IFT140: variants seen among roughly 807,000 people sequenced by gnomAD.
The protein encoded by IFT140 is intraflagellar transport 140, also known as intraflagellar transport protein 140 homolog.
Under a neutral mutation model 164.6 loss-of-function variants are expected in IFT140, and 133 were observed. That is an observed-to-expected ratio of 0.81 (90% CI 0.70 to 0.93). The LOEUF (loss-of-function observed/expected upper bound fraction) is 0.93, where lower values mean the gene tolerates loss of function less well. Among genes scored for constraint, IFT140 ranks in the 40% least tolerant of loss-of-function variants. The pLI is 0.00. For synonymous variants in IFT140, 860 were observed against 817.3 expected, an observed-to-expected ratio of 1.05 and a Z score of -0.89; for missense variants, 2,045 against 1,972.3, an observed-to-expected ratio of 1.04 and a Z score of -0.70.
At chr16:1,550,749 C>A (rs185559314) in intron 19 of IFT140, among the ~76,000 whole-genome samples, 1 of 152,254 alleles carries the variant, frequency 6.6e-6, no homozygotes, top group Non-Finnish European at 1.5e-5. Context: ...CAAGGCCCTG[C>A]CAAATGCCAC....
chr16:1,525,200 C>T (rs181470068), intron 22 of IFT140, 31 bp downstream of exon 22: 220 of 1,513,056 alleles, frequency 1.5e-4, no homozygotes, highest in African/African-American at 9.7e-4. Context: ...GGATGGAGTG[C>T]GGTCCCACCA....
intron 18 of IFT140, 50 bp from the exon 19 acceptor site, chr16:1,558,184 G>A: frequency 6.3e-7 from 1 of 1,581,810 alleles, no homozygotes; most frequent in Non-Finnish European, 8.7e-7. Context: ...TAAAGCTGAA[G>A]CCCTCACCCA....
At chr16:1,558,679 C>G (rs2033238177) in intron 18 of IFT140, among the ~76,000 whole-genome samples, 1 of 152,230 alleles carries the variant, frequency 6.6e-6, no homozygotes, top group East Asian at 1.9e-4. Context: ...CTGCTTGCCT[C>G]TTCTTTAATC....
At chr16:1,513,099 A>G (rs2040220448) in intron 30 of IFT140, 1 of 152,178 alleles carries the variant, frequency 6.6e-6, no homozygotes, top group African/African-American at 2.4e-5. Context: ...GGGCAACACA[A>G]CTGGTGGGTG....
At chr16:1,559,692 T>TA (rs2033298714) in intron 18 of IFT140, among the ~76,000 whole-genome samples, 1 of 152,222 alleles carries the variant, frequency 6.6e-6, no homozygotes, top group South Asian at 2.1e-4. Context: ...TGAGCTTTGC[T>TA]AGGTGAGAGG....
intron 26 of IFT140, among the ~76,000 whole-genome samples, chr16:1,522,807 C>T (rs1032048145): frequency 2.0e-5 from 3 of 152,232 alleles, no homozygotes; most frequent in African/African-American, 7.2e-5. Flanking sequence ...CACTGCACTC[C>T]AGCCTTTCCA....
intron 19 of IFT140, among the ~76,000 whole-genome samples, chr16:1,547,844 A>G (rs1280374234): frequency 6.6e-6 from 1 of 152,056 alleles, no homozygotes; most frequent in Non-Finnish European, 1.5e-5. Context: ...CAAATCATCT[A>G]TTTATTTCTT....
At position 1,602,529 on chromosome 16, in the gene IFT140, G is replaced by C. The variant is rs145160997; in HGVS notation, c.210C>G (p.His70Gln). ...RPFRVASLCW[H>Q]PTRLVLAVGW... ...CCACAGCCAGCACCAGCCGCGTCGG[G>C]TGCCAGCACAGGGAAGCAACCCGGA... Residue 70 changes from histidine to glutamine, a missense_variant, in exon 4 of 31, where the codon CAC (histidine) becomes CAG (glutamine). Coordinates refer to ENST00000426508, the MANE Select transcript of IFT140 (RefSeq NM_014714.4). 6.2e-7 allele frequency: 1 copy of C among 1,614,120 alleles called. No homozygotes were observed. Among genetic ancestry groups the C allele is most frequent in the Non-Finnish European group, 8.5e-7 (1 of 1,180,036 alleles).
chr16:1,554,837 C>T (rs770057972), intron 19 of IFT140: 1 of 1,614,228 alleles, frequency 6.2e-7, no homozygotes, highest in Non-Finnish European at 8.5e-7. Flanking sequence ...CATACACCAA[C>T]CTGTCCTGGT....
chr16:1,541,880 C>A, intron 19 of IFT140: 1 of 1,514,680 alleles, frequency 6.6e-7, no homozygotes, highest in Non-Finnish European at 8.9e-7. Context: ...CCTCTGGAGC[C>A]CACCTGCACT....
At chr16:1,566,315 G>C (rs1488166616) in intron 15 of IFT140, 24 bp from the exon 16 acceptor site, 1 of 1,611,456 alleles carries the variant, frequency 6.2e-7, no homozygotes, top group African/African-American at 1.3e-5. Flanking sequence ...AAACCAGAAA[G>C]CTCACGGAGC....
chr16:1,554,542 TAAGAGCCACAG>T, intron 19 of IFT140, among the ~76,000 whole-genome samples: 1 of 152,234 alleles, frequency 6.6e-6, no homozygotes, highest in Non-Finnish European at 1.5e-5. Flanking sequence ...CCTGAAGTCC[TAAGAGCCACAG>T]AAGGGCTAAT....
rs541618065 is a variant in IFT140, at chr16:1,557,820, C to T, written c.2399+115G>A. On this transcript the variant is annotated intron_variant, in intron 19 of 30. Coordinates refer to ENST00000426508, the MANE Select transcript of IFT140 (RefSeq NM_014714.4). Reference sequence around the variant, plus strand: ...GGGAAGACCATGAAATACACCATGACGCAGTCATGAGGAGTCAAATATTTC... The same window carrying T: ...GGGAAGACCATGAAATACACCATGATGCAGTCATGAGGAGTCAAATATTTC... The T allele has an allele frequency of 5.3e-5, 53 of 995,334 alleles. No individual in the cohort carries two copies. In the African/African-American group the frequency reaches 6.8e-4, roughly 13 times the overall value. The allele number at this position is 995,334 out of a possible 1,614,324, so 61.7% of individuals were successfully genotyped here.
Position 1,523,601 on chromosome 16 carries a change from C to T in IFT140, c.3370G>A (p.Ala1124Thr). Residue 1124 changes from alanine (A) to threonine (T), a missense_variant, in exon 26 of 31, where the codon GCG becomes ACG. Transcript: ENST00000426508. Reference protein sequence around the residue: ...AEDLDETSDPALLARCSDFFI... With the variant: ...AEDLDETSDPTLLARCSDFFI... Reference sequence around the variant, plus strand: ...AAGTCGGAGCAGCGGGCCAGGAGCGCAGGGTCTGACGTCTCATCCAGGTCC... The same window carrying T: ...AAGTCGGAGCAGCGGGCCAGGAGCGTAGGGTCTGACGTCTCATCCAGGTCC... 2.5e-6 allele frequency: 4 copies of T among 1,613,946 alleles called. No homozygotes were observed. Among genetic ancestry groups the T allele is most frequent in the South Asian group, 1.1e-5 (1 of 91,090 alleles).
chr16:1,588,072 CCT>C, intron 7 of IFT140, 48 bp from the exon 8 acceptor site: 1 of 1,528,466 alleles, frequency 6.5e-7, no homozygotes, highest in African/African-American at 1.4e-5. Context: ...GCTGAGACGG[CCT>C]GTCCCGGCTT....
At chr16:1,606,858 G>A (rs1028403725) in intron 3 of IFT140, among the ~76,000 whole-genome samples, 20 of 147,498 alleles carry the variant, frequency 1.4e-4, no homozygotes, top group African/African-American at 4.0e-4. Context: ...GCACACACAC[G>A]CATACACCCC....
intron 29 of IFT140, among the ~76,000 whole-genome samples, chr16:1,519,238 G>A (rs553672612): frequency 6.6e-6 from 1 of 152,310 alleles, no homozygotes; most frequent in African/African-American, 2.4e-5. Flanking sequence ...TCTTGTTTTG[G>A]AAAAGGTTCT....
chr16:1,520,867 C>T (rs2040506677), intron 26 of IFT140, 59 bp from the exon 27 acceptor site: 7 of 1,483,136 alleles, frequency 4.7e-6, no homozygotes, highest in Non-Finnish European at 4.6e-6. Context: ...GAAGTGCGCC[C>T]CTCATCTGCC....
chr16:1,610,251 T>A lies in IFT140; in HGVS notation c.-32+413A>T, dbSNP rs1345976072. 2.6e-5 allele frequency: 4 copies of A among 155,004 alleles called. No individual in the cohort carries two copies. The East Asian group carries it at 5.8e-4, about 22-fold the overall frequency. The allele number at this position is 155,004 out of a possible 1,614,324, so 9.6% of individuals were successfully genotyped here. A position where few individuals can be genotyped will look rare whatever the true frequency, so the allele number is the denominator to read the frequency against. ...TCCAGCGGACGGTACTGAGAAGCCATGCGCTGGCGGTTTGATGCAACACGA... is the reference window on the plus strand; with the variant it reads ...TCCAGCGGACGGTACTGAGAAGCCAAGCGCTGGCGGTTTGATGCAACACGA... On this transcript the variant is annotated intron_variant, in intron 2 of 30. Transcript: ENST00000426508.
Sources: gnomAD v4.1 joint callset for allele counts (sites outside exome capture counted in the v4.1 genomes callset) on GRCh38, gnomAD v4.1.1 for gene constraint, MANE v1.5 for transcripts, NCBI Gene and HGNC (gene_info 2026-07-23, HGNC 2026-07-21) for gene names.